BRCC3: variants seen among roughly 807,000 people sequenced by gnomAD.
The protein encoded by BRCC3 is lys-63-specific deubiquitinase BRCC36.
A neutral mutation model predicts 28.0 loss-of-function variants in BRCC3; 15 were observed. The observed-to-expected ratio is 0.54, with a 90% confidence interval of 0.36 to 0.82. BRCC3 has a LOEUF of 0.82. BRCC3 is among the 40% of genes least tolerant of loss of function. The pLI, the probability that BRCC3 is intolerant of heterozygous loss-of-function variation, is 0.01. For missense variants in BRCC3, 109 were observed against 225.9 expected, an observed-to-expected ratio of 0.48 and a Z score of 3.32; for synonymous variants, 66 against 80.3, an observed-to-expected ratio of 0.82 and a Z score of 0.95.
At chrX:155,105,742 A>G (rs2074279729) in intron 7 of BRCC3, among the ~76,000 whole-genome samples, 1 of 111,996 alleles carries the variant, frequency 8.9e-6, no homozygotes, top group African/African-American at 3.2e-5. Flanking sequence ...CCAGTTGTCC[A>G]GGCTGGAGTG....
Position 155,077,808 on chromosome X carries a change from G to A in BRCC3, c.315+519G>A, listed in dbSNP as rs180730457. ...TATGATTCCGAGTGTCCTGGCCGGC[G>A]CCTCGTAAGTGAATATGAAGCTGAT... On this transcript the variant is annotated intron_variant, in intron 4 of 10. Coordinates refer to ENST00000330045, the MANE Select transcript of BRCC3 (RefSeq NM_001018055.3). Among the ~76,000 whole-genome samples the A allele has an allele frequency of 2.8e-4, 31 of 111,874 alleles. No individual in the cohort carries two copies. The East Asian group carries it at 5.9e-3, about 21-fold the overall frequency.
rs2074050509 is a variant in BRCC3, at chrX:155,077,105, T to C, written c.196-65T>C. 14 of 977,765 alleles carry C rather than the reference T, an allele frequency of 1.4e-5. No homozygotes were observed. The South Asian group carries it at 3.7e-4, about 26-fold the overall frequency. 80.6% of individuals were successfully genotyped at this position (977,765 alleles called of 1,213,427 possible). The stretch of plus-strand genomic sequence containing the variant: ...GATATTATAATAAAATGCAATTCTA[T>C]AGTTGAAGGGGGATGTGTTATTGGA... On this transcript the variant is annotated intron_variant, in intron 3 of 10. Coordinates refer to ENST00000330045, the MANE Select transcript of BRCC3 (RefSeq NM_001018055.3).
intron 4 of BRCC3, 144 bp downstream of exon 4, chrX:155,077,433 A>G (rs782459569): frequency 2.0e-5 from 11 of 541,151 alleles, no homozygotes; most frequent in East Asian, 1.7e-4. Context: ...ATTTCTCTCT[A>G]TTTCTCCTTT....
At chrX:155,084,675 T>A (rs994999757) in intron 5 of BRCC3, among the ~76,000 whole-genome samples, 3 of 112,347 alleles carry the variant, frequency 2.7e-5, no homozygotes, top group Non-Finnish European at 5.6e-5. Flanking sequence ...AAAAAGTTTT[T>A]TTAAAGTAGG....
intron 5 of BRCC3, among the ~76,000 whole-genome samples, chrX:155,081,723 T>G (rs1354100934): frequency 8.9e-6 from 1 of 112,016 alleles, no homozygotes; most frequent in African/African-American, 3.3e-5. Flanking sequence ...TTCAGTGCTT[T>G]TTATGATAAG....
intron 5 of BRCC3, among the ~76,000 whole-genome samples, chrX:155,088,348 T>C (rs2124265002): frequency 9.1e-6 from 1 of 109,825 alleles, no homozygotes; most frequent in South Asian, 3.8e-4. Flanking sequence ...TGTTTAGTTT[T>C]TGGCTTTTTT....
chrX:155,107,607 C>G (rs2074293530), intron 7 of BRCC3, among the ~76,000 whole-genome samples: 1 of 111,448 alleles, frequency 9.0e-6, no homozygotes, highest in Non-Finnish European at 1.9e-5. Context: ...TAATTCTCAA[C>G]CCCCAATACC....
Position 155,075,287 on chromosome X carries a change from C to CTTGTACCA in BRCC3, c.195+1858_195+1859insGTACCATT, listed in dbSNP as rs1569560414. 1.0e-4 allele frequency among the ~76,000 whole-genome samples: 5 copies of CTTGTACCA among 50,125 alleles called. No individual in the cohort carries two copies. In the African/African-American group the frequency reaches 2.4e-3, roughly 24 times the overall value. The allele number at this position is 50,125 out of a possible 115,157, so 43.5% of individuals were successfully genotyped here. On this transcript the variant is annotated intron_variant, in intron 3 of 10. Transcript: ENST00000330045. ...AACATCTGATAATGCTAAGCCCACT[C>CTTGTACCA]TTTCCCCTGGCCCTTCTTGTTCTTC...
chrX:155,072,399 A>G, intron 2 of BRCC3, 56 bp downstream of exon 2: 1 of 980,289 alleles, frequency 1.0e-6, no homozygotes, highest in Non-Finnish European at 1.4e-6. Flanking sequence ...TGTTAACCTA[A>G]AATTATGGCG....
At chrX:155,106,345 C>T (rs367631400) in intron 7 of BRCC3, among the ~76,000 whole-genome samples, 1 of 111,437 alleles carries the variant, frequency 9.0e-6, no homozygotes, top group Non-Finnish European at 1.9e-5. Flanking sequence ...TTTTTATCTT[C>T]CTGAATTCTT....
chrX:155,104,502 A>C (rs782535587), intron 7 of BRCC3, among the ~76,000 whole-genome samples: 30 of 112,362 alleles, frequency 2.7e-4, no homozygotes, highest in African/African-American at 9.1e-4. Context: ...GGACTGTTGA[A>C]AATAGATGCT....
chrX:155,091,112 G>T (rs1287998248), intron 7 of BRCC3, among the ~76,000 whole-genome samples: 1 of 111,383 alleles, frequency 9.0e-6, no homozygotes, highest in African/African-American at 3.3e-5. Context: ...TATCCTAACT[G>T]AGCTGCTATT....
intron 7 of BRCC3, among the ~76,000 whole-genome samples, chrX:155,092,384 T>A (rs2074180501): frequency 8.9e-6 from 1 of 112,087 alleles, no homozygotes; most frequent in Non-Finnish European, 1.9e-5. Flanking sequence ...TTCACAGTTG[T>A]AAGCATCTAT....
chrX:155,077,038 C>A, intron 3 of BRCC3, 132 bp from the exon 4 acceptor site: 1 of 517,866 alleles, frequency 1.9e-6, no homozygotes. Flanking sequence ...TTTCATTATT[C>A]GTGAGAAAAG....
intron 7 of BRCC3, among the ~76,000 whole-genome samples, chrX:155,104,162 T>C (rs1557297194): frequency 9.0e-6 from 1 of 111,525 alleles, no homozygotes; most frequent in African/African-American, 3.3e-5. Context: ...ATCAGCATCA[T>C]TCTGGGCCAA....
chrX:155,089,042 A>C (rs2074155783), intron 5 of BRCC3, among the ~76,000 whole-genome samples: 1 of 112,004 alleles, frequency 8.9e-6, no homozygotes, highest in African/African-American at 3.2e-5. Context: ...AATAAGTTTT[A>C]TTATTTAATG....
rs781889814 is a variant in BRCC3 at position 155,077,894 on chromosome X, A to G, written c.315+605A>G. 1.6e-4 allele frequency among the ~76,000 whole-genome samples: 18 copies of G among 112,093 alleles called. No individual in the cohort carries two copies. The East Asian group carries it at 5.0e-3, about 31-fold the overall frequency. On this transcript the variant is annotated intron_variant, in intron 4 of 10. Coordinates refer to ENST00000330045, the MANE Select transcript of BRCC3 (RefSeq NM_001018055.3). Reference sequence around the variant, plus strand: ...CCCTGGCCTCTCGTAGTTTCCTCACATGCTTCCGCTCATCAGTGATCTGCT... The same window carrying G: ...CCCTGGCCTCTCGTAGTTTCCTCACGTGCTTCCGCTCATCAGTGATCTGCT...
intron 6 of BRCC3, 134 bp from the exon 7 acceptor site, chrX:155,090,650 T>C: frequency 2.0e-6 from 1 of 495,122 alleles, no homozygotes; most frequent in Non-Finnish European, 3.5e-6. Context: ...ATCCTTTTTA[T>C]AGAAATTAAT....
chrX:155,112,904 A>G (rs1439847005), intron 7 of BRCC3, among the ~76,000 whole-genome samples: 2 of 111,733 alleles, frequency 1.8e-5, no homozygotes, highest in African/African-American at 3.2e-5. Flanking sequence ...AATATCAAAA[A>G]GAATAAAATA....
Sources: allele counts gnomAD v4.1 joint callset (sites outside exome capture counted in the v4.1 genomes callset), GRCh38; gene constraint gnomAD v4.1.1; transcripts MANE v1.5; gene names NCBI Gene and HGNC (gene_info 2026-07-23, HGNC 2026-07-21).